The following RNGTT variants were observed in gnomAD, a reference collection of about 807,000 sequenced individuals.
RNGTT encodes the protein mRNA-capping enzyme.
Under a neutral mutation model 79.3 loss-of-function variants are expected in RNGTT, and 33 were observed. That is an observed-to-expected ratio of 0.42 (90% CI 0.32 to 0.56). RNGTT has a LOEUF of 0.56. Ranked by LOEUF, RNGTT falls within the 20% of genes least tolerant of loss-of-function variation. The probability of loss-of-function intolerance (pLI) is 0.17; values close to 1 mark genes in which losing one functional copy is unlikely to be tolerated. For synonymous variants in RNGTT, 222 were observed against 235.9 expected (o/e 0.94, Z 0.54); for missense variants, 497 against 739.1 (o/e 0.67, Z 3.80).
intron 8 of RNGTT, among the ~76,000 whole-genome samples, chr6:88,869,356 C>T (rs1782283410): frequency 6.6e-6 from 1 of 152,174 alleles, no homozygotes; most frequent in Non-Finnish European, 1.5e-5. Context: ...AGTATTTTGA[C>T]CTTTTTCGTG....
At chr6:88,883,366 C>G (rs1473449334) in intron 8 of RNGTT, among the ~76,000 whole-genome samples, 1 of 151,954 alleles carries the variant, frequency 6.6e-6, no homozygotes, top group African/African-American at 2.4e-5. Context: ...ATCTCAAAAG[C>G]CTTCCATTAT....
chr6:88,906,525 C>CTAGCTGA, intron 4 of RNGTT, 85 bp from the exon 5 acceptor site: 2 of 694,944 alleles, frequency 2.9e-6, no homozygotes, highest in Non-Finnish European at 4.8e-6. Flanking sequence ...GCAATCAAAA[C>CTAGCTGA]ATTTCAGCTA....
chr6:88,705,560 T>C (rs1030787879), intron 13 of RNGTT, among the ~76,000 whole-genome samples: 2 of 152,080 alleles, frequency 1.3e-5, no homozygotes, highest in South Asian at 2.1e-4. Flanking sequence ...AATAGAAATA[T>C]GTAATGAAGA....
chr6:88,832,183 C>G (rs926476423), intron 11 of RNGTT, among the ~76,000 whole-genome samples: 1 of 151,958 alleles, frequency 6.6e-6, no homozygotes, highest in Non-Finnish European at 1.5e-5. Context: ...TACCTGACCT[C>G]AAAACTACAC....
At chr6:88,824,506 T>C (rs1242388282) in intron 11 of RNGTT, among the ~76,000 whole-genome samples, 1 of 152,218 alleles carries the variant, frequency 6.6e-6, no homozygotes, top group Non-Finnish European at 1.5e-5. Context: ...TGGCCACATG[T>C]GGCTACTAAA....
intron 8 of RNGTT, among the ~76,000 whole-genome samples, chr6:88,880,010 A>T (rs1469504769): frequency 6.6e-6 from 1 of 152,210 alleles, no homozygotes; most frequent in Non-Finnish European, 1.5e-5. Flanking sequence ...CAACCCACAA[A>T]TGATAAAATA....
intron 11 of RNGTT, among the ~76,000 whole-genome samples, chr6:88,811,916 A>G (rs1314292417): frequency 6.6e-6 from 1 of 152,090 alleles, no homozygotes. Flanking sequence ...GTTTAGTTTT[A>G]AAACCCCCCC....
intron 13 of RNGTT, among the ~76,000 whole-genome samples, chr6:88,698,195 T>C (rs1395227587): frequency 1.4e-4 from 16 of 113,266 alleles, no homozygotes; most frequent in Non-Finnish European, 2.5e-4. Context: ...ATATGAAATA[T>C]ATATGATATA....
chr6:88,723,968 G>A (rs9342153), intron 13 of RNGTT, among the ~76,000 whole-genome samples: 18,003 of 152,018 alleles, frequency 0.12, 1,178 homozygotes, highest in Middle Eastern at 0.23. Flanking sequence ...CAGGTGATCC[G>A]CCTGCCTCAG....
chr6:88,819,980 A>G (rs1780446932), intron 11 of RNGTT, among the ~76,000 whole-genome samples: 1 of 152,154 alleles, frequency 6.6e-6, no homozygotes, highest in Admixed American at 6.5e-5. Context: ...CCTCTCTGGA[A>G]CTACAATTCT....
At chr6:88,815,501 G>A (rs567766130) in intron 11 of RNGTT, among the ~76,000 whole-genome samples, 2 of 152,276 alleles carry the variant, frequency 1.3e-5, no homozygotes, top group East Asian at 3.9e-4. Flanking sequence ...AGTAAAGGAG[G>A]CCCTAGGGAC....
At chr6:88,908,489 GAC>G (rs763350014) in intron 4 of RNGTT, among the ~76,000 whole-genome samples, 5 of 152,192 alleles carry the variant, frequency 3.3e-5, no homozygotes, top group Non-Finnish European at 1.5e-5. Context: ...AGGCAAAGCA[GAC>G]ACAGTGTTTG....
intron 14 of RNGTT, among the ~76,000 whole-genome samples, chr6:88,667,733 C>A (rs1309651407): frequency 6.6e-6 from 1 of 152,150 alleles, no homozygotes; most frequent in Non-Finnish European, 1.5e-5. Context: ...CAGAAGACGG[C>A]AAAGGTATTG....
At chr6:88,648,348 C>A (rs937494816) in intron 14 of RNGTT, among the ~76,000 whole-genome samples, 4 of 151,982 alleles carry the variant, frequency 2.6e-5, no homozygotes, top group African/African-American at 9.7e-5. Flanking sequence ...ATTCTTATGG[C>A]AGTCTGCATT....
intron 13 of RNGTT, among the ~76,000 whole-genome samples, chr6:88,682,861 A>G (rs1017910781): frequency 2.6e-5 from 4 of 152,246 alleles, no homozygotes; most frequent in African/African-American, 9.6e-5. Context: ...CCATGTCTGT[A>G]AAGACAGAAG....
chr6:88,754,988 C>A (rs927984922), intron 13 of RNGTT, among the ~76,000 whole-genome samples: 1 of 152,212 alleles, frequency 6.6e-6, no homozygotes, highest in African/African-American at 2.4e-5. Flanking sequence ...GATTTCCCCA[C>A]TCCACACTCT....
At chr6:88,904,572 A>C in intron 6 of RNGTT, 143 bp downstream of exon 6, 1 of 1,032,948 alleles carries the variant, frequency 9.7e-7, no homozygotes, top group South Asian at 2.1e-5. Context: ...CAAAAAAAAA[A>C]AATTTTTTTT....
chr6:88,660,450 TA>T (rs1774139969), intron 14 of RNGTT, among the ~76,000 whole-genome samples: 1 of 149,798 alleles, frequency 6.7e-6, no homozygotes, highest in Admixed American at 6.6e-5. Context: ...AAACTCCAGG[TA>T]AAGAGGTGAA....
chr6:88,824,069 T>C (rs1319592969), intron 11 of RNGTT, among the ~76,000 whole-genome samples: 1 of 152,202 alleles, frequency 6.6e-6, no homozygotes, highest in Non-Finnish European at 1.5e-5. Context: ...AAAAAGAATC[T>C]ATGATATAGG....
Sources: allele counts gnomAD v4.1 joint callset (sites outside exome capture counted in the v4.1 genomes callset), GRCh38; gene constraint gnomAD v4.1.1; transcripts MANE v1.5; gene names NCBI Gene and HGNC (gene_info 2026-07-23, HGNC 2026-07-21).